ADAM2: variants seen among roughly 807,000 people sequenced by gnomAD.
The protein encoded by ADAM2 is disintegrin and metalloproteinase domain-containing protein 2.
A neutral mutation model predicts 99.3 loss-of-function variants in ADAM2; 101 were observed. That is an observed-to-expected ratio of 1.02 (90% CI 0.87 to 1.20). The LOEUF is 1.20. Ranked by LOEUF, ADAM2 falls within the 50% of genes most tolerant of loss-of-function variation. The probability of loss-of-function intolerance (pLI) is 0.00; values close to 1 mark genes in which losing one functional copy is unlikely to be tolerated. For synonymous variants in ADAM2, 323 were observed against 287.6 expected (o/e 1.12, Z -1.25); for missense variants, 948 against 878.7 (o/e 1.08, Z -1.00).
chr8:39,833,024 A>T (rs1233567231), intron 3 of ADAM2, among the ~76,000 whole-genome samples: 1 of 152,170 alleles, frequency 6.6e-6, no homozygotes, highest in African/African-American at 2.4e-5. Flanking sequence ...ATTTATAAAT[A>T]CTGTATCTGT....
At chr8:39,777,264 C>G in intron 10 of ADAM2, 103 bp from the exon 11 acceptor site, 1 of 847,928 alleles carries the variant, frequency 1.2e-6, no homozygotes. Context: ...ATAGGGGCAT[C>G]TGTTATCCCA....
chr8:39,745,097 A>C (rs1563329873), intron 19 of ADAM2, among the ~76,000 whole-genome samples: 1 of 152,142 alleles, frequency 6.6e-6, no homozygotes, highest in Non-Finnish European at 1.5e-5. Context: ...GTGAATATGA[A>C]AAAAAAGCAC....
chr8:39,771,646 T>C (rs577382257), intron 11 of ADAM2, among the ~76,000 whole-genome samples: 2 of 152,250 alleles, frequency 1.3e-5, no homozygotes, highest in African/African-American at 4.8e-5. Flanking sequence ...CTCGAAGACC[T>C]CGAATAAATT....
intron 7 of ADAM2, among the ~76,000 whole-genome samples, chr8:39,794,768 A>T (rs1355311038): frequency 6.6e-6 from 1 of 152,006 alleles, no homozygotes; most frequent in Admixed American, 6.6e-5. Flanking sequence ...CTTAAAAGGG[A>T]CAGGAATTGC....
At position 39,820,997 on chromosome 8, in the gene ADAM2, CCTACCT is replaced by C; in HGVS notation, c.512_513+4del. The C allele has an allele frequency of 6.4e-7, 1 of 1,557,294 alleles. No homozygotes were observed. Among genetic ancestry groups the C allele is most frequent in the Non-Finnish European group, 8.7e-7 (1 of 1,145,402 alleles). ...ACCATAGAGTTTGTTCAATTAATCA[CCTACCT>C]CTACGCTTTGTAATTTAAAGGACAG... On this transcript the variant is annotated splice_donor_variant and splice_donor_region_variant and coding_sequence_variant and intron_variant, in exon 6 of 21. Transcript: ENST00000265708. LOFTEE classifies it high-confidence loss of function.
chr8:39,835,509 C>G (rs145734021), intron 2 of ADAM2, among the ~76,000 whole-genome samples: 31,177 of 151,926 alleles, frequency 0.21, 3,257 homozygotes, highest in African/African-American at 0.22. Flanking sequence ...GGTGAAACCC[C>G]GTCTCTACTA....
chr8:39,793,418 G>C (rs913648921), intron 7 of ADAM2, among the ~76,000 whole-genome samples: 1 of 152,090 alleles, frequency 6.6e-6, no homozygotes, highest in Non-Finnish European at 1.5e-5. Context: ...GGACACCTTG[G>C]CTACTTCCCT....
chr8:39,768,407 G>T (rs771142095), intron 12 of ADAM2, among the ~76,000 whole-genome samples: 1 of 152,090 alleles, frequency 6.6e-6, no homozygotes, highest in Non-Finnish European at 1.5e-5. Context: ...CATTCACTAT[G>T]AGTTTCAATA....
chr8:39,759,416 C>T (rs1194028954), intron 15 of ADAM2, among the ~76,000 whole-genome samples: 1 of 151,988 alleles, frequency 6.6e-6, no homozygotes, highest in Non-Finnish European at 1.5e-5. Context: ...TCTAAAAATA[C>T]ATTAGGAGTA....
chr8:39,809,372 A>G, intron 7 of ADAM2, 38 bp downstream of exon 7: 1 of 814,710 alleles, frequency 1.2e-6, no homozygotes, highest in South Asian at 1.6e-5. Context: ...CCCTCATTGC[A>G]AATATTAAGG....
At chr8:39,787,285 T>G (rs1355988423) in intron 9 of ADAM2, among the ~76,000 whole-genome samples, 6 of 151,494 alleles carry the variant, frequency 4.0e-5, no homozygotes, top group Admixed American at 2.6e-4. Flanking sequence ...ATTCATTTTA[T>G]GTAGATTTAA....
At chr8:39,823,715 GCACA>G (rs1252696878) in intron 4 of ADAM2, among the ~76,000 whole-genome samples, 1 of 151,080 alleles carries the variant, frequency 6.6e-6, no homozygotes, top group East Asian at 1.9e-4. Context: ...ACACACATAC[GCACA>G]CACACATATG....
intron 11 of ADAM2, among the ~76,000 whole-genome samples, chr8:39,773,452 A>T (rs1384263272): frequency 6.6e-6 from 1 of 151,798 alleles, no homozygotes; most frequent in Non-Finnish European, 1.5e-5. Flanking sequence ...GGCCATGGGA[A>T]AGAGTCAATG....
At chr8:39,796,992 G>A (rs149304622) in intron 7 of ADAM2, among the ~76,000 whole-genome samples, 237 of 151,858 alleles carry the variant, frequency 1.6e-3, no homozygotes, top group Admixed American at 2.9e-3. Context: ...TCTGTACTCC[G>A]TAGGTTGCCT....
intron 7 of ADAM2, among the ~76,000 whole-genome samples, chr8:39,808,684 G>A (rs550369623): frequency 8.1e-4 from 124 of 152,232 alleles, no homozygotes; most frequent in Non-Finnish European, 1.4e-3. Context: ...TTGGGAGGCC[G>A]AGGCAGGTGG....
Position 39,753,725 on chromosome 8 carries a change from G to T in ADAM2, c.1797+2003C>A, listed in dbSNP as rs537716431. On this transcript the variant is annotated intron_variant, in intron 16 of 20. Transcript: ENST00000265708. Reference sequence around the variant, plus strand: ...AGGTACAGCACAGCCCACAGCTTTAGAGGGTGCAAGTAATAGTAAATCCAC... The same window carrying T: ...AGGTACAGCACAGCCCACAGCTTTATAGGGTGCAAGTAATAGTAAATCCAC... Among the ~76,000 whole-genome samples, 5 of 152,272 alleles carry T rather than the reference G, an allele frequency of 3.3e-5. No individual in the cohort carries two copies. The East Asian group carries it at 9.7e-4, about 29-fold the overall frequency.
chr8:39,810,053 G>A (rs547883045), intron 6 of ADAM2, among the ~76,000 whole-genome samples: 16 of 152,106 alleles, frequency 1.1e-4, no homozygotes, highest in South Asian at 4.2e-4. Context: ...CATGTGCAGA[G>A]ACAAACATAA....
chr8:39,776,563 T>C (rs565399442), intron 11 of ADAM2, among the ~76,000 whole-genome samples: 1 of 152,138 alleles, frequency 6.6e-6, no homozygotes, highest in Admixed American at 6.6e-5. Context: ...ATTCACTAGA[T>C]CGTTGAGGCC....
intron 11 of ADAM2, among the ~76,000 whole-genome samples, chr8:39,773,487 AAATT>A (rs1802864522): frequency 1.3e-5 from 2 of 151,830 alleles, no homozygotes; most frequent in Non-Finnish European, 3.0e-5. Context: ...TTCTTTAAAA[AAATT>A]AATTAATTTG....
Sources: allele counts gnomAD v4.1 joint callset (sites outside exome capture counted in the v4.1 genomes callset), GRCh38; gene constraint gnomAD v4.1.1; transcripts MANE v1.5; gene names NCBI Gene and HGNC (gene_info 2026-07-23, HGNC 2026-07-21).